ZNF678: variants seen among roughly 807,000 people sequenced by gnomAD.
ZNF678 encodes the protein hypothetical protein MGC42493.
Under a neutral mutation model 3.0 loss-of-function variants are expected in ZNF678, and 5 were observed. The ratio of observed to expected loss-of-function variants is 1.69; its 90% CI spans 0.88 to 3.56. The LOEUF (loss-of-function observed/expected upper bound fraction) is 3.56. ZNF678 is among the 30% of genes most tolerant of loss of function. The pLI is 0.00. For missense variants in ZNF678, 593 were observed against 605.0 expected (o/e 0.98, Z 0.21); for synonymous variants, 218 against 199.6 (o/e 1.09, Z -0.78).
At chr1:227,599,075 C>G in intron 1 of ZNF678, 1 of 1,597,732 alleles carries the variant, frequency 6.3e-7, no homozygotes, top group Non-Finnish European at 8.6e-7. Context: ...TATTGTTGGC[C>G]CTGAAGACTG....
At chr1:227,604,535 C>T (rs972772453) in intron 1 of ZNF678, among the ~76,000 whole-genome samples, 1 of 151,970 alleles carries the variant, frequency 6.6e-6, no homozygotes, top group Non-Finnish European at 1.5e-5. Context: ...ACAGGATGTA[C>T]CACCCACCAT....
At position 227,660,477 on chromosome 1, in the gene ZNF678, C is replaced by G. The variant is rs774563047; in HGVS notation, c.*4649C>G. On this transcript the variant is annotated 3_prime_UTR_variant, in exon 4 of 4. Transcript: ENST00000343776. ...TTGAATAATTTTATTTGGAAGTAAA[C>G]TTTCTGTAACTATTGCAGGTGTCAA... The G allele has an allele frequency of 5.3e-5, 8 of 151,998 alleles. No homozygotes were observed. Among genetic ancestry groups the G allele is most frequent in the East Asian group, 3.9e-4 (2 of 5,180 alleles). The allele number at this position is 151,998 out of a possible 1,614,324, so 9.4% of individuals were successfully genotyped here.
chr1:227,584,406 T>C (rs1374777537), intron 1 of ZNF678, among the ~76,000 whole-genome samples: 1 of 152,188 alleles, frequency 6.6e-6, no homozygotes, highest in Non-Finnish European at 1.5e-5. Context: ...TAAGCAAATA[T>C]GACTATTAAT....
At chr1:227,574,980 G>T (rs1366547242) in intron 1 of ZNF678, among the ~76,000 whole-genome samples, 7 of 152,084 alleles carry the variant, frequency 4.6e-5, no homozygotes. Context: ...GTCTCACTCT[G>T]TTGCCCAGAC....
At chr1:227,647,825 A>G (rs1003037765) in intron 2 of ZNF678, among the ~76,000 whole-genome samples, 4 of 152,178 alleles carry the variant, frequency 2.6e-5, no homozygotes, top group Non-Finnish European at 5.9e-5. Flanking sequence ...GAATATCTAC[A>G]TATTTTTGAG....
chr1:227,613,129 C>T (rs1343299290), intron 1 of ZNF678, among the ~76,000 whole-genome samples: 1 of 152,172 alleles, frequency 6.6e-6, no homozygotes, highest in Non-Finnish European at 1.5e-5. Flanking sequence ...CCTTTGGACT[C>T]CTTCTTGTCA....
downstream of ZNF678, among the ~76,000 whole-genome samples, chr1:227,663,893 C>T (rs1229332292): frequency 1.3e-5 from 2 of 152,136 alleles, no homozygotes; most frequent in Admixed American, 1.3e-4. Flanking sequence ...CTCTCTGTGC[C>T]CACTCCCACC....
intron 1 of ZNF678, among the ~76,000 whole-genome samples, chr1:227,567,551 A>T (rs972042576): frequency 6.6e-6 from 1 of 152,226 alleles, no homozygotes; most frequent in Non-Finnish European, 1.5e-5. Context: ...GGAGATCCAT[A>T]GGCAGATGCA....
intron 1 of ZNF678, among the ~76,000 whole-genome samples, chr1:227,600,976 ATCT>A (rs1193917941): frequency 3.9e-5 from 6 of 152,168 alleles, no homozygotes; most frequent in African/African-American, 1.2e-4. Context: ...TCCCGTTTCA[ATCT>A]TCTGCATATG....
At chr1:227,596,183 A>G (rs770687025) in intron 1 of ZNF678, among the ~76,000 whole-genome samples, 12 of 152,198 alleles carry the variant, frequency 7.9e-5, no homozygotes, top group Non-Finnish European at 1.5e-4. Flanking sequence ...CCCCGCAGGG[A>G]TGTTCCACAG....
At position 227,610,194 on chromosome 1, in the gene ZNF678, G is replaced by A. The variant is rs16847995; in HGVS notation, c.-163-36350G>A. The stretch of plus-strand genomic sequence containing the variant: ...GTCCCCTAAAAATAGAAAACCTGAC[G>A]TACTACTAATAAATATGTTTAAGCT... On this transcript the variant is annotated intron_variant, in intron 1 of 3. Coordinates refer to ENST00000343776, the MANE Select transcript of ZNF678 (RefSeq NM_001367909.1). 7.3e-3 allele frequency among the ~76,000 whole-genome samples: 1,112 copies of A among 152,190 alleles called. 12 individuals carry two copies. Among genetic ancestry groups the A allele is most frequent in the African/African-American group, 0.025 (1,053 of 41,512 alleles).
chr1:227,625,582 C>G (rs1658391329), intron 1 of ZNF678, among the ~76,000 whole-genome samples: 1 of 152,086 alleles, frequency 6.6e-6, no homozygotes, highest in African/African-American at 2.4e-5. Context: ...AAATGTATGG[C>G]CTGAAGTGCA....
At chr1:227,678,018 T>A (rs1483237171), downstream of ZNF678, among the ~76,000 whole-genome samples, 1 of 152,174 alleles carries the variant, frequency 6.6e-6, no homozygotes, top group African/African-American at 2.4e-5. Context: ...CCCCCTAGGG[T>A]GATTTGTTCT....
chr1:227,611,417 T>G (rs952271004), intron 1 of ZNF678, among the ~76,000 whole-genome samples: 2 of 152,200 alleles, frequency 1.3e-5, no homozygotes, highest in Non-Finnish European at 2.9e-5. Context: ...CCTCCCTCAC[T>G]CACTCACAGA....
intron 1 of ZNF678, among the ~76,000 whole-genome samples, chr1:227,622,710 G>C (rs1024268221): frequency 2.6e-5 from 4 of 152,212 alleles, no homozygotes; most frequent in South Asian, 2.1e-4. Flanking sequence ...AAAGCCAAGA[G>C]AGCCCCTCCT....
chr1:227,601,682 A>G (rs1657743183), intron 1 of ZNF678, among the ~76,000 whole-genome samples: 1 of 152,042 alleles, frequency 6.6e-6, no homozygotes, highest in Non-Finnish European at 1.5e-5. Context: ...CTCCTGCCTC[A>G]GCCTCCCGAG....
rs1659338455 is a variant in ZNF678, at chr1:227,659,383, C to T, written c.*3555C>T. 1 of 152,018 alleles carries T rather than the reference C, an allele frequency of 6.6e-6. No homozygotes were observed. The highest frequency in any genetic ancestry group is 6.6e-5 in the Admixed American group (1 of 15,252). 9.4% of individuals were successfully genotyped at this position (152,018 alleles called of 1,614,324 possible). On this transcript the variant is annotated 3_prime_UTR_variant, in exon 4 of 4. Transcript: ENST00000343776. ...GAGAGCTTTTGGATTGAAATATTTC[C>T]TTGGTGATTTTGGATGCAAACCTGA...
rs1293634657 is a variant in ZNF678 at position 227,660,044 on chromosome 1, G to A, written c.*4216G>A. 2 of 151,978 alleles carry A rather than the reference G, an allele frequency of 1.3e-5. No homozygotes were observed. Among genetic ancestry groups the A allele is most frequent in the Non-Finnish European group, 2.9e-5 (2 of 67,980 alleles). 9.4% of individuals were successfully genotyped at this position (151,978 alleles called of 1,614,324 possible). ...TCAGCATCTCTTAACCTTCTTTCTAGTCTCTACTTTTATGAGATCAACTTG... is the reference window on the plus strand; with the variant it reads ...TCAGCATCTCTTAACCTTCTTTCTAATCTCTACTTTTATGAGATCAACTTG... On this transcript the variant is annotated 3_prime_UTR_variant, in exon 4 of 4. Coordinates refer to ENST00000343776, the MANE Select transcript of ZNF678 (RefSeq NM_001367909.1).
At chr1:227,599,552 A>G (rs1657681461) in intron 1 of ZNF678, among the ~76,000 whole-genome samples, 1 of 152,222 alleles carries the variant, frequency 6.6e-6, no homozygotes, top group Admixed American at 6.5e-5. Flanking sequence ...GATTAAAATT[A>G]TGTCATAAAA....
Sources: gnomAD v4.1 joint callset for allele counts (sites outside exome capture counted in the v4.1 genomes callset) on GRCh38, gnomAD v4.1.1 for gene constraint, MANE v1.5 for transcripts, NCBI Gene and HGNC (gene_info 2026-07-23, HGNC 2026-07-21) for gene names.